The following AMMECR1 variants were observed in gnomAD, a reference collection of about 807,000 sequenced individuals.
The protein encoded by AMMECR1 is AMMECR nuclear protein 1.
In AMMECR1, 3 loss-of-function variants were observed where a neutral mutation model predicts 22.5. The observed-to-expected ratio is 0.13, with a 90% CI of 0.06 to 0.35. The LOEUF is 0.35. AMMECR1 is among the 10% of genes least tolerant of loss of function. AMMECR1 has a pLI of 1.00. For missense variants in AMMECR1, 235 were observed against 278.7 expected (o/e 0.84, Z 1.12); for synonymous variants, 130 against 116.7 (o/e 1.11, Z -0.74).
intron 2 of AMMECR1, among the ~76,000 whole-genome samples, chrX:110,349,215 G>A (rs766525497): frequency 4.5e-5 from 5 of 112,023 alleles, no homozygotes; most frequent in East Asian, 5.6e-4. Context: ...AGATTAATTC[G>A]TCAGAGGCCA....
chrX:110,373,239 A>G (rs1341249512), intron 2 of AMMECR1, among the ~76,000 whole-genome samples: 4 of 112,049 alleles, frequency 3.6e-5, no homozygotes, highest in Non-Finnish European at 7.5e-5. Flanking sequence ...TTGCTTCTCT[A>G]CAAACAGGAT....
chrX:110,380,513 C>T (rs1212733282), intron 2 of AMMECR1, among the ~76,000 whole-genome samples: 1 of 111,961 alleles, frequency 8.9e-6, no homozygotes, highest in Non-Finnish European at 1.9e-5. Context: ...TTAAAATGGC[C>T]ATACTGCTCA....
At chrX:110,248,819 A>C (rs2067672392) in intron 2 of AMMECR1, among the ~76,000 whole-genome samples, 1 of 112,222 alleles carries the variant, frequency 8.9e-6, no homozygotes, top group Admixed American at 9.4e-5. Context: ...GAGGCTCTCT[A>C]GTCAGCAGTG....
At chrX:110,218,895 A>G (rs1269075483) in intron 2 of AMMECR1, among the ~76,000 whole-genome samples, 1 of 111,780 alleles carries the variant, frequency 8.9e-6, no homozygotes, top group Non-Finnish European at 1.9e-5. Context: ...AAATCATACA[A>G]TATATTGCCT....
At chrX:110,203,906 A>C (rs187210739) in intron 3 of AMMECR1, among the ~76,000 whole-genome samples, 1 of 111,843 alleles carries the variant, frequency 8.9e-6, no homozygotes, top group African/African-American at 3.2e-5. Flanking sequence ...ATTTTTATTA[A>C]AGCATATCTC....
In AMMECR1 at chrX:110,339,079, T is replaced by G. The variant is rs573676569; in HGVS notation, c.-147-21230A>C. Among the ~76,000 whole-genome samples the G allele has an allele frequency of 9.9e-5, 11 of 111,522 alleles. No individual in the cohort carries two copies. In the East Asian group the frequency reaches 1.7e-3, roughly 17 times the overall value. On this transcript the variant is annotated intron_variant, in intron 2 of 7. Transcript: ENST00000372057. ...AGGCTGGGACCTTTGAGTAAAAAATTAAAAGCAAAAGCAAGCCAGTCCTCA... is the reference window on the plus strand; with the variant it reads ...AGGCTGGGACCTTTGAGTAAAAAATGAAAAGCAAAAGCAAGCCAGTCCTCA...
chrX:110,332,336 A>G (rs1313429155), intron 2 of AMMECR1, among the ~76,000 whole-genome samples: 1 of 111,995 alleles, frequency 8.9e-6, no homozygotes, highest in African/African-American at 3.2e-5. Context: ...ATTTCTTTAC[A>G]TCTCAAAGAT....
intron 2 of AMMECR1, among the ~76,000 whole-genome samples, chrX:110,217,352 G>A (rs2067478694): frequency 9.1e-6 from 1 of 109,896 alleles, no homozygotes; most frequent in Admixed American, 9.7e-5. Context: ...AGTATGATTA[G>A]GAGACCATTA....
intron 2 of AMMECR1, among the ~76,000 whole-genome samples, chrX:110,371,040 T>C (rs1411799449): frequency 9.0e-6 from 1 of 111,672 alleles, no homozygotes; most frequent in East Asian, 2.8e-4. Flanking sequence ...TATGGCTCTG[T>C]CTGTATAAAA....
At position 110,387,962 on chromosome X, in the gene AMMECR1, C is replaced by T. The variant is rs770975242; in HGVS notation, c.-148+38696G>A. Among the ~76,000 whole-genome samples, 21 of 106,574 alleles carry T rather than the reference C, an allele frequency of 2.0e-4. No individual in the cohort carries two copies. In the South Asian group the frequency reaches 8.7e-3, roughly 44 times the overall value. 92.5% of individuals were successfully genotyped at this position (106,574 alleles called of 115,157 possible). On this transcript the variant is annotated intron_variant, in intron 2 of 7. Coordinates refer to the AMMECR1 transcript ENST00000372057. ...CTGCAAGCTCCGCCTCCCGGGTTCACGCCATTCTCCTGCCTCAGCCTCCCA... is the reference window on the plus strand; with the variant it reads ...CTGCAAGCTCCGCCTCCCGGGTTCATGCCATTCTCCTGCCTCAGCCTCCCA...
In AMMECR1 at chrX:110,302,453, T is replaced by C. The variant is rs147019912; in HGVS notation, c.473+15146A>G. ...TAAAGAACTTTGCTAGTGATAAACA[T>C]TGCTAGAATTTACACAGTAAAAATT... On this transcript the variant is annotated intron_variant, in intron 1 of 5. Transcript: ENST00000262844. 7.3e-3 allele frequency among the ~76,000 whole-genome samples: 814 copies of C among 111,892 alleles called. 6 individuals carry two copies. Among genetic ancestry groups the C allele is most frequent in the South Asian group, 0.012 (33 of 2,647 alleles).
intron 4 of AMMECR1, among the ~76,000 whole-genome samples, chrX:110,201,580 T>C (rs2067397303): frequency 8.9e-6 from 1 of 111,820 alleles, no homozygotes; most frequent in African/African-American, 3.3e-5. Flanking sequence ...AGGCCCTCTA[T>C]CTTTTATGTA....
chrX:110,380,697 C>T (rs1252525445), intron 2 of AMMECR1, among the ~76,000 whole-genome samples: 1 of 112,343 alleles, frequency 8.9e-6, no homozygotes, highest in Non-Finnish European at 1.9e-5. Context: ...TCAAACTATA[C>T]TACAAGGCTA....
At chrX:110,269,529 G>C (rs1236314880) in intron 1 of AMMECR1, among the ~76,000 whole-genome samples, 1 of 100,694 alleles carries the variant, frequency 9.9e-6, no homozygotes, top group Non-Finnish European at 2.0e-5. Context: ...ATTTATATTG[G>C]GGGGGGGGAT....
intron 2 of AMMECR1, among the ~76,000 whole-genome samples, chrX:110,418,216 C>T (rs186826371): frequency 1.1e-3 from 129 of 112,470 alleles, no homozygotes; most frequent in African/African-American, 4.0e-3. Flanking sequence ...AGAGATACGC[C>T]TGATGGTCTA....
Position 110,408,567 on chromosome X carries a change from C to A in AMMECR1, c.-148+18091G>T, listed in dbSNP as rs552992811. ...AGCATAAAGGGTTTTGCTTCCCCTG[C>A]CCCGACCCCACAGTTTTAATCAACT... On this transcript the variant is annotated intron_variant, in intron 2 of 7. Transcript: ENST00000372057. Among the ~76,000 whole-genome samples the A allele has an allele frequency of 2.9e-4, 33 of 112,240 alleles. No individual in the cohort carries two copies. The South Asian group carries it at 0.012, about 42-fold the overall frequency.
intron 2 of AMMECR1, among the ~76,000 whole-genome samples, chrX:110,375,337 C>T (rs1157096167): frequency 9.0e-6 from 1 of 111,676 alleles, no homozygotes; most frequent in Non-Finnish European, 1.9e-5. Flanking sequence ...AACTTTAGTT[C>T]TAGTCTCAGC....
intron 2 of AMMECR1, among the ~76,000 whole-genome samples, chrX:110,356,337 T>C (rs1194030627): frequency 9.2e-6 from 1 of 108,539 alleles, no homozygotes; most frequent in Non-Finnish European, 1.9e-5. Context: ...GTTTTTTTAG[T>C]GGAGACGGGG....
At chrX:110,342,768 T>C (rs913464092) in intron 2 of AMMECR1, among the ~76,000 whole-genome samples, 5 of 112,075 alleles carry the variant, frequency 4.5e-5, no homozygotes, top group African/African-American at 1.6e-4. Context: ...ACTTAAGACA[T>C]TTATTAATAG....
Sources: gnomAD v4.1 joint callset for allele counts (sites outside exome capture counted in the v4.1 genomes callset) on GRCh38, gnomAD v4.1.1 for gene constraint, MANE v1.5 for transcripts, NCBI Gene and HGNC (gene_info 2026-07-23, HGNC 2026-07-21) for gene names.